ZNF578: variants seen among roughly 807,000 people sequenced by gnomAD.
The protein encoded by ZNF578 is Putative chemokine-related protein B42.
In ZNF578, 8 loss-of-function variants were observed where a neutral mutation model predicts 8.3. The observed-to-expected ratio is 0.96, with a 90% confidence interval of 0.56 to 1.74. ZNF578 has a LOEUF of 1.74. Among genes scored for constraint, ZNF578 ranks in the 40% most tolerant of loss-of-function variants. The pLI is 0.00. For synonymous variants in ZNF578, 206 were observed against 232.2 expected (o/e 0.89, Z 1.03); for missense variants, 726 against 707.5 (o/e 1.03, Z -0.30).
At chr19:52,498,823 C>T (rs1223388145) in intron 3 of ZNF578, among the ~76,000 whole-genome samples, 1 of 151,792 alleles carries the variant, frequency 6.6e-6, no homozygotes, top group African/African-American at 2.4e-5. Context: ...GCTGGAACCA[C>T]AGATGCACGC....
chr19:52,454,134 CT>C (rs1176903441), intron 1 of ZNF578: 1 of 152,214 alleles, frequency 6.6e-6, no homozygotes, highest in Non-Finnish European at 1.5e-5. Context: ...CGGGGCCTGG[CT>C]TTTGACACTC....
At chr19:52,470,692 C>A (rs1312029164) in intron 2 of ZNF578, among the ~76,000 whole-genome samples, 1 of 152,172 alleles carries the variant, frequency 6.6e-6, no homozygotes, top group East Asian at 1.9e-4. Flanking sequence ...CTGGCTCTTT[C>A]TTCTTTCTAT....
intron 2 of ZNF578, chr19:52,457,760 A>G (rs569068434): frequency 6.5e-6 from 1 of 152,840 alleles, no homozygotes; most frequent in East Asian, 1.9e-4. Flanking sequence ...GTGTGAGAGT[A>G]GAGGAAAAGC....
intron 2 of ZNF578, chr19:52,473,656 C>T (rs1568457680): frequency 4.8e-6 from 1 of 207,600 alleles, no homozygotes; most frequent in Non-Finnish European, 9.6e-6. Flanking sequence ...ATTTATGTCT[C>T]TCTCCAGTAT....
intron 2 of ZNF578, among the ~76,000 whole-genome samples, chr19:52,462,089 C>T (rs929635737): frequency 2.6e-5 from 4 of 152,126 alleles, no homozygotes; most frequent in South Asian, 2.1e-4. Flanking sequence ...AGTAGCACAC[C>T]ATGATCAGCA....
chr19:52,468,242 T>G (rs1455985180), intron 2 of ZNF578, among the ~76,000 whole-genome samples: 1 of 152,212 alleles, frequency 6.6e-6, no homozygotes, highest in African/African-American at 2.4e-5. Context: ...AATGCTCTTC[T>G]AGTAGAGTCC....
At chr19:52,465,085 C>A (rs1380449755) in intron 2 of ZNF578, among the ~76,000 whole-genome samples, 2 of 152,162 alleles carry the variant, frequency 1.3e-5, no homozygotes, top group Admixed American at 6.5e-5. Context: ...TGAAACATGG[C>A]CTTTTTCTAG....
At chr19:52,496,493 C>CCTT (rs2059387146) in intron 3 of ZNF578, among the ~76,000 whole-genome samples, 2 of 146,866 alleles carry the variant, frequency 1.4e-5, no homozygotes, top group Non-Finnish European at 3.0e-5. Context: ...CCGCGCCCAG[C>CCTT]TAATTTTTTG....
chr19:52,492,545 T>G (rs534115165), intron 3 of ZNF578, among the ~76,000 whole-genome samples: 22 of 152,312 alleles, frequency 1.4e-4, no homozygotes, highest in African/African-American at 4.8e-4. Flanking sequence ...CAGGCAGGGC[T>G]TTGCATTTCA....
At position 52,498,684 on chromosome 19, in the gene ZNF578, C is replaced by CTT. The variant is rs72019256; in HGVS notation, c.-19-3127_-19-3126dup. Among the ~76,000 whole-genome samples the CTT allele has an allele frequency of 1.0e-4, 11 of 106,854 alleles. 1 individual carries two copies. The highest frequency in any genetic ancestry group is 2.5e-4 in the East Asian group (1 of 4,026). The allele number at this position is 106,854 out of a possible 152,430, so 70.1% of individuals were successfully genotyped here. On this transcript the variant is annotated intron_variant, in intron 3 of 5. Transcript: ENST00000421239. ...AGGAATGAGCCACCTCGCCTGGCCG[C>CTT]TTTTTTTTTTTTTTTTTGTAAGACA...
chr19:52,471,750 T>C (rs2059292466), intron 2 of ZNF578, among the ~76,000 whole-genome samples: 1 of 152,128 alleles, frequency 6.6e-6, no homozygotes, highest in African/African-American at 2.4e-5. Flanking sequence ...TCATTATCAA[T>C]ATCCAAACCA....
chr19:52,513,459 G>A lies in ZNF578; in HGVS notation c.*1305G>A, dbSNP rs115926993. Among the ~76,000 whole-genome samples the A allele has an allele frequency of 5.4e-3, 816 of 149,850 alleles. 9 individuals carry two copies. Among genetic ancestry groups the A allele is most frequent in the African/African-American group, 0.019 (781 of 40,856 alleles). On this transcript the variant is annotated 3_prime_UTR_variant, in exon 6 of 6. Coordinates refer to ENST00000421239, the MANE Select transcript of ZNF578 (RefSeq NM_001099694.2). ...TTAAAAGGGATATCAGGCTGGGTGT[G>A]GCAGCTCACGCCGGTAATCCCAGCA...
At chr19:52,495,989 T>TAGAAAAA (rs2059384623) in intron 3 of ZNF578, among the ~76,000 whole-genome samples, 1 of 152,134 alleles carries the variant, frequency 6.6e-6, no homozygotes, top group African/African-American at 2.4e-5. Flanking sequence ...TCCTTTTTTC[T>TAGAAAAA]AGTTCCTCCT....
intron 2 of ZNF578, among the ~76,000 whole-genome samples, chr19:52,463,614 C>T (rs983762063): frequency 6.6e-6 from 1 of 152,146 alleles, no homozygotes; most frequent in Non-Finnish European, 1.5e-5. Context: ...CAGAGTTGAA[C>T]AATTGATAAA....
intron 2 of ZNF578, among the ~76,000 whole-genome samples, chr19:52,462,195 C>T (rs753878535): frequency 6.6e-6 from 1 of 152,044 alleles, no homozygotes; most frequent in Non-Finnish European, 1.5e-5. Context: ...CCAGTTGGAC[C>T]GAACTCTGTG....
At chr19:52,479,890 G>A (rs971307830) in intron 2 of ZNF578, among the ~76,000 whole-genome samples, 2 of 151,818 alleles carry the variant, frequency 1.3e-5, no homozygotes, top group South Asian at 4.1e-4. Flanking sequence ...TGAAAAAGTG[G>A]ATTATGATTT....
chr19:52,504,702 G>C lies in ZNF578; in HGVS notation c.111G>C (p.Glu37Asp). Residue 37 changes from glutamate to aspartate, a missense_variant, in exon 5 of 6, where the codon GAG becomes GAC. Transcript: ENST00000421239. ...TGGCTATAGAATTCTCATTGGCAGA[G>C]TGGAAATTCCTGAACCCTGCGCAGA... ...RDVAIEFSLAEWKFLNPAQRA... is the reference protein window; with the variant it reads ...RDVAIEFSLADWKFLNPAQRA... The C allele has an allele frequency of 6.2e-7, 1 of 1,614,164 alleles. No individual in the cohort carries two copies. The highest frequency in any genetic ancestry group is 8.5e-7 in the Non-Finnish European group (1 of 1,180,034).
Position 52,512,061 on chromosome 19 carries a change from T to A in ZNF578, c.1680T>A (p.Ile560=), listed in dbSNP as rs1324273540. Reference sequence around the variant, plus strand: ...CTTATCTGGCAAACCATACTAGAATTCATAGCGGAGAGAAACCTTACAAGT... The same window carrying A: ...CTTATCTGGCAAACCATACTAGAATACATAGCGGAGAGAAACCTTACAAGT... The part of the protein sequence containing the change: ...CHSYLANHTR[I]HSGEKPYKCN... Residue 560 remains isoleucine, a synonymous_variant, in exon 6 of 6, where the codon ATT becomes ATA. Coordinates refer to ENST00000421239, the MANE Select transcript of ZNF578 (RefSeq NM_001099694.2). 3 of 1,613,862 alleles carry A rather than the reference T, an allele frequency of 1.9e-6. No homozygotes were observed. The highest frequency in any genetic ancestry group is 2.5e-6 in the Non-Finnish European group (3 of 1,179,964).
Position 52,512,006 on chromosome 19 carries a change from A to C in ZNF578, c.1625A>C (p.Lys542Thr). The change falls in exon 6 of 6, where the codon AAG (lysine) becomes ACG (threonine). Residue 542 changes from lysine (K) to threonine (T), a missense_variant. Transcript: ENST00000421239. ...LHTGEKPYKC[K>T]VCDKAFMCHS... Reference sequence around the variant, plus strand: ...ACTGGAGAGAAACCTTACAAATGTAAGGTTTGTGACAAGGCTTTCATGTGC... The same window carrying C: ...ACTGGAGAGAAACCTTACAAATGTACGGTTTGTGACAAGGCTTTCATGTGC... The C allele has an allele frequency of 3.7e-6, 6 of 1,614,120 alleles. No homozygotes were observed. Among genetic ancestry groups the C allele is most frequent in the African/African-American group, 2.7e-5 (2 of 75,042 alleles).
Sources: gnomAD v4.1 joint callset for allele counts (sites outside exome capture counted in the v4.1 genomes callset) on GRCh38, gnomAD v4.1.1 for gene constraint, MANE v1.5 for transcripts, NCBI Gene and HGNC (gene_info 2026-07-23, HGNC 2026-07-21) for gene names.